Variants in ERBB4 observed in about 807,000 individuals in gnomAD.
The protein encoded by ERBB4 is erb-b2 receptor tyrosine kinase 4.
In ERBB4, 42 loss-of-function variants were observed where a neutral mutation model predicts 158.0. The ratio of observed to expected loss-of-function variants is 0.27; its 90% CI spans 0.21 to 0.34. The LOEUF (loss-of-function observed/expected upper bound fraction) is 0.34. ERBB4 is among the 10% of genes least tolerant of loss of function. The probability of loss-of-function intolerance (pLI) is 1.00; values close to 1 mark genes in which losing one functional copy is unlikely to be tolerated. For synonymous variants in ERBB4, 583 were observed against 558.7 expected (o/e 1.04, Z -0.61); for missense variants, 1,333 against 1,624.1 (o/e 0.82, Z 3.08).
At chr2:211,821,223 A>G (rs1440592115) in intron 3 of ERBB4, among the ~76,000 whole-genome samples, 2 of 151,826 alleles carry the variant, frequency 1.3e-5, no homozygotes, top group African/African-American at 4.8e-5. Flanking sequence ...TACAAATAAC[A>G]AACCAGCTAA....
chr2:211,736,857 T>C lies in ERBB4; in HGVS notation c.623-11663A>G, dbSNP rs144089917. On this transcript the variant is annotated intron_variant, in intron 5 of 27. Transcript: ENST00000342788. ...AACTTTTTGGATCCTCTCCAAGCAATATATTTATAGAAAATAATATAATCT... is the reference window on the plus strand; with the variant it reads ...AACTTTTTGGATCCTCTCCAAGCAACATATTTATAGAAAATAATATAATCT... Among the ~76,000 whole-genome samples the C allele has an allele frequency of 1.8e-3, 269 of 152,266 alleles. 3 individuals are homozygous for C. Among genetic ancestry groups the C allele is most frequent in the African/African-American group, 6.0e-3 (248 of 41,562 alleles).
At chr2:212,123,856 A>G (rs1423150346) in intron 2 of ERBB4, among the ~76,000 whole-genome samples, 1 of 152,192 alleles carries the variant, frequency 6.6e-6, no homozygotes, top group Non-Finnish European at 1.5e-5. Context: ...CAGTATTCAA[A>G]ACATTTAACC....
At chr2:211,856,866 A>G (rs1269181101) in intron 3 of ERBB4, among the ~76,000 whole-genome samples, 1 of 152,214 alleles carries the variant, frequency 6.6e-6, no homozygotes, top group Non-Finnish European at 1.5e-5. Flanking sequence ...AATATGATAG[A>G]AAACAAAGTA....
chr2:211,940,715 A>C (rs1036903031), intron 3 of ERBB4, among the ~76,000 whole-genome samples: 1 of 152,156 alleles, frequency 6.6e-6, no homozygotes, highest in African/African-American at 2.4e-5. Context: ...GACTGAAAAC[A>C]TGTGAGCAGA....
At chr2:212,441,667 C>G (rs2092256682) in intron 1 of ERBB4, among the ~76,000 whole-genome samples, 1 of 151,512 alleles carries the variant, frequency 6.6e-6, no homozygotes, top group South Asian at 2.1e-4. Flanking sequence ...AGGGGCTCTG[C>G]TTTTAATGTT....
chr2:211,902,581 TGA>T (rs1381806522), intron 3 of ERBB4, among the ~76,000 whole-genome samples: 1 of 151,890 alleles, frequency 6.6e-6, no homozygotes, highest in Non-Finnish European at 1.5e-5. Context: ...TTTTCTAGAA[TGA>T]GTTTTGATTT....
chr2:211,801,767 A>C (rs978466171), intron 3 of ERBB4, among the ~76,000 whole-genome samples: 1 of 152,236 alleles, frequency 6.6e-6, no homozygotes, highest in African/African-American at 2.4e-5. Context: ...GACTTTACAG[A>C]AGAGAATAAT....
chr2:211,521,458 A>G (rs564466503), intron 20 of ERBB4, among the ~76,000 whole-genome samples: 1 of 152,302 alleles, frequency 6.6e-6, no homozygotes, highest in African/African-American at 2.4e-5. Context: ...TTGGTTCATG[A>G]GGTATAAGGA....
chr2:212,287,376 T>A (rs1367776312), intron 1 of ERBB4, among the ~76,000 whole-genome samples: 1 of 152,156 alleles, frequency 6.6e-6, no homozygotes. Context: ...GAAACCCATA[T>A]GTAAGTATAA....
Position 212,140,523 on chromosome 2 carries a change from G to GT in ERBB4, c.83-15621dup, listed in dbSNP as rs763019993. On this transcript the variant is annotated intron_variant, in intron 1 of 27. Transcript: ENST00000342788. ...AAAAGTATATTTCATTTTTAAAAAT[G>GT]TTTTTTTTTTAATTTTAGGAAAGGG... is the stretch of plus-strand genomic sequence containing the variant. Among the ~76,000 whole-genome samples, 60 of 121,664 alleles carry GT rather than the reference G, an allele frequency of 4.9e-4. 1 individual carries two copies. The highest frequency in any genetic ancestry group is 4.4e-3 in the Middle Eastern group (1 of 228). 79.8% of individuals were successfully genotyped at this position (121,664 alleles called of 152,430 possible).
intron 1 of ERBB4, among the ~76,000 whole-genome samples, chr2:212,223,750 A>T (rs114320115): frequency 0.014 from 2,128 of 151,846 alleles, 41 homozygotes; most frequent in African/African-American, 0.049. Context: ...AATTAATATT[A>T]CATTGGTAAA....
intron 3 of ERBB4, among the ~76,000 whole-genome samples, chr2:211,944,098 C>T (rs895856173): frequency 1.9e-3 from 173 of 89,606 alleles, no homozygotes; most frequent in Admixed American, 3.5e-3. Context: ...TATATATATA[C>T]ATGGTTACAC....
At chr2:212,447,882 A>C (rs1439799730) in intron 1 of ERBB4, among the ~76,000 whole-genome samples, 1 of 151,746 alleles carries the variant, frequency 6.6e-6, no homozygotes, top group African/African-American at 2.4e-5. Flanking sequence ...ACTGTGTTCT[A>C]ATTATTCTCA....
chr2:211,978,392 G>T (rs62185770), intron 2 of ERBB4, among the ~76,000 whole-genome samples: 1 of 102,246 alleles, frequency 9.8e-6, no homozygotes, highest in South Asian at 3.6e-4. Context: ...CTGTCTGTCT[G>T]TCTGTCTATC....
At chr2:211,767,694 G>A (rs1233211510) in intron 4 of ERBB4, among the ~76,000 whole-genome samples, 1 of 152,126 alleles carries the variant, frequency 6.6e-6, no homozygotes, top group Non-Finnish European at 1.5e-5. Flanking sequence ...ATCAGATCTT[G>A]TAAGAACTCA....
chr2:211,529,599 C>A (rs1377228822), intron 20 of ERBB4, among the ~76,000 whole-genome samples: 2 of 151,894 alleles, frequency 1.3e-5, no homozygotes, highest in African/African-American at 4.8e-5. Flanking sequence ...AAATTTTTAA[C>A]AAAATACCAT....
chr2:211,884,967 A>T (rs1306418502), intron 3 of ERBB4, among the ~76,000 whole-genome samples: 4 of 152,140 alleles, frequency 2.6e-5, no homozygotes, highest in Admixed American at 6.5e-5. Context: ...ATGTCTGGAA[A>T]CCTGAAATAA....
At chr2:211,555,432 G>A (rs1461024570) in intron 20 of ERBB4, among the ~76,000 whole-genome samples, 4 of 152,112 alleles carry the variant, frequency 2.6e-5, no homozygotes, top group Admixed American at 6.6e-5. Context: ...TGATCCATCC[G>A]CCTCGGCCTC....
chr2:211,741,734 A>AATT (rs2074806264), intron 5 of ERBB4, among the ~76,000 whole-genome samples: 1 of 152,210 alleles, frequency 6.6e-6, no homozygotes, highest in African/African-American at 2.4e-5. Context: ...ATTAAGTAAT[A>AATT]GCTCCTGAAT....
Sources: gnomAD v4.1 joint callset for allele counts (sites outside exome capture counted in the v4.1 genomes callset) on GRCh38, gnomAD v4.1.1 for gene constraint, MANE v1.5 for transcripts, NCBI Gene and HGNC (gene_info 2026-07-23, HGNC 2026-07-21) for gene names.